The following DNAAF4 variants were observed in gnomAD, a reference collection of about 807,000 sequenced individuals.
DNAAF4 encodes the protein dynein axonemal assembly factor 4.
DNAAF4 carries 43 observed loss-of-function variants against 51.8 expected under a neutral mutation model. The ratio of observed to expected loss-of-function variants is 0.83; its 90% CI spans 0.65 to 1.07. The LOEUF is 1.07. DNAAF4 is among the 50% of genes least tolerant of loss of function. DNAAF4 has a pLI of 0.00. For missense variants in DNAAF4, 581 were observed against 493.0 expected (o/e 1.18, Z -1.69); for synonymous variants, 194 against 165.6 (o/e 1.17, Z -1.32).
intron 5 of DNAAF4, among the ~76,000 whole-genome samples, chr15:55,461,202 G>T (rs2058090012): frequency 6.6e-6 from 1 of 152,038 alleles, no homozygotes; most frequent in Non-Finnish European, 1.5e-5. Flanking sequence ...CCGAGTAGCT[G>T]GGACTACAGG....
chr15:55,502,410 T>C (rs1435058225), intron 1 of DNAAF4, among the ~76,000 whole-genome samples: 1 of 152,180 alleles, frequency 6.6e-6, no homozygotes, highest in Non-Finnish European at 1.5e-5. Flanking sequence ...CTTTGTGTTA[T>C]TAGGTTTTCC....
At chr15:55,441,814 G>A (rs2057719339) in intron 6 of DNAAF4, among the ~76,000 whole-genome samples, 1 of 151,928 alleles carries the variant, frequency 6.6e-6, no homozygotes. Flanking sequence ...TTTTTTAAAT[G>A]GCACAGTGGT....
intron 7 of DNAAF4, among the ~76,000 whole-genome samples, chr15:55,418,964 G>A (rs1555412323): frequency 1.6e-5 from 2 of 126,094 alleles, no homozygotes; most frequent in Non-Finnish European, 1.6e-5. Context: ...TCGCTCTGTC[G>A]CCCAGGTTAG....
chr15:55,498,455 G>T lies in DNAAF4; in HGVS notation c.-126C>A, dbSNP rs923865872. ...GCCGGCCGGGAGCCCGGCGTTCCCAGCGTGCTCCGGCGCCAGCACCTCGCG... is the reference window on the plus strand; with the variant it reads ...GCCGGCCGGGAGCCCGGCGTTCCCATCGTGCTCCGGCGCCAGCACCTCGCG... On this transcript the variant is annotated 5_prime_UTR_variant, in exon 2 of 10. It adds an upstream start codon to the 5' untranslated region. Transcript: ENST00000321149. 2.0e-5 allele frequency: 28 copies of T among 1,407,568 alleles called. No homozygotes were observed. In the Admixed American group the frequency reaches 7.5e-4, roughly 37 times the overall value. The allele number at this position is 1,407,568 out of a possible 1,614,324, so 87.2% of individuals were successfully genotyped here. A position where few individuals can be genotyped will look rare whatever the true frequency, so the allele number is the denominator to read the frequency against.
At chr15:55,469,161 T>C (rs2058212271) in intron 4 of DNAAF4, among the ~76,000 whole-genome samples, 1 of 151,852 alleles carries the variant, frequency 6.6e-6, no homozygotes, top group Non-Finnish European at 1.5e-5. Flanking sequence ...TGAAACCCTG[T>C]CTCTACTAAA....
chr15:55,475,665 G>A (rs1415280965), intron 4 of DNAAF4, among the ~76,000 whole-genome samples: 1 of 152,154 alleles, frequency 6.6e-6, no homozygotes, highest in East Asian at 1.9e-4. Context: ...AAAAGTTACA[G>A]ATTTTGGAGC....
intron 3 of DNAAF4, among the ~76,000 whole-genome samples, chr15:55,494,701 T>C (rs928037686): frequency 6.6e-6 from 1 of 152,154 alleles, no homozygotes; most frequent in African/African-American, 2.4e-5. Context: ...CATGAGCCAC[T>C]GCGCTGAGCT....
intron 3 of DNAAF4, among the ~76,000 whole-genome samples, chr15:55,496,242 AAAC>A (rs1219137644): frequency 6.6e-6 from 1 of 152,130 alleles, no homozygotes; most frequent in African/African-American, 2.4e-5. Flanking sequence ...CCAAACAAAC[AAAC>A]AACAACTGGG....
At chr15:55,473,253 A>G (rs1170246665) in intron 4 of DNAAF4, among the ~76,000 whole-genome samples, 2 of 139,152 alleles carry the variant, frequency 1.4e-5, no homozygotes, top group Admixed American at 7.5e-5. Flanking sequence ...ATGTGTGTGT[A>G]TATATATGTG....
chr15:55,437,990 A>C (rs2057643429), intron 7 of DNAAF4, among the ~76,000 whole-genome samples: 1 of 152,248 alleles, frequency 6.6e-6, no homozygotes. Flanking sequence ...GATGAAATAC[A>C]ATAAATAATA....
intron 4 of DNAAF4, among the ~76,000 whole-genome samples, chr15:55,483,375 G>A (rs187534056): frequency 1.4e-3 from 215 of 150,886 alleles, no homozygotes; most frequent in Admixed American, 3.5e-3. Flanking sequence ...GATTACAGGT[G>A]TGAGCCACCA....
chr15:55,498,176 G>C, intron 2 of DNAAF4, 31 bp downstream of exon 2: 1 of 1,613,976 alleles, frequency 6.2e-7, no homozygotes, highest in Non-Finnish European at 8.5e-7. Context: ...CCACACCCCC[G>C]GAGACCGGCA....
intron 1 of DNAAF4, among the ~76,000 whole-genome samples, chr15:55,502,093 C>T (rs2058702708): frequency 6.6e-6 from 1 of 151,640 alleles, no homozygotes; most frequent in African/African-American, 2.4e-5. Flanking sequence ...ATAATAAAGA[C>T]TATTAAGATC....
intron 4 of DNAAF4, among the ~76,000 whole-genome samples, chr15:55,475,464 T>C (rs1288960855): frequency 1.3e-5 from 2 of 152,310 alleles, no homozygotes; most frequent in African/African-American, 2.4e-5. Flanking sequence ...GCTAGGATGA[T>C]GAGCCTGGCA....
chr15:55,464,232 G>C (rs28858773), intron 5 of DNAAF4, among the ~76,000 whole-genome samples: 7,988 of 152,256 alleles, frequency 0.052, 313 homozygotes, highest in South Asian at 0.098. Context: ...AAATGGTGCT[G>C]GGATAATTGG....
At chr15:55,441,562 C>G (rs59918927) in intron 6 of DNAAF4, among the ~76,000 whole-genome samples, 153 of 151,632 alleles carry the variant, frequency 1.0e-3, no homozygotes, top group African/African-American at 3.4e-3. Flanking sequence ...ATCCCTCCCC[C>G]CTCCCACCAC....
chr15:55,504,001 G>A (rs1042266859), intron 1 of DNAAF4, among the ~76,000 whole-genome samples: 1 of 152,146 alleles, frequency 6.6e-6, no homozygotes, highest in Non-Finnish European at 1.5e-5. Flanking sequence ...GTTTGCAGAC[G>A]ACATGATTGT....
At chr15:55,465,403 C>CACACAT (rs2058155616) in intron 5 of DNAAF4, among the ~76,000 whole-genome samples, 1 of 151,644 alleles carries the variant, frequency 6.6e-6, no homozygotes, top group South Asian at 2.1e-4. Flanking sequence ...TACACACACA[C>CACACAT]ACACACACAC....
intron 1 of DNAAF4, among the ~76,000 whole-genome samples, chr15:55,503,826 T>C (rs990607557): frequency 1.3e-5 from 2 of 152,136 alleles, no homozygotes; most frequent in Non-Finnish European, 2.9e-5. Context: ...TCAAACTGAA[T>C]GGGCAAAAAC....
Sources: allele counts gnomAD v4.1 joint callset (sites outside exome capture counted in the v4.1 genomes callset), GRCh38; gene constraint gnomAD v4.1.1; transcripts MANE v1.5; gene names NCBI Gene and HGNC (gene_info 2026-07-23, HGNC 2026-07-21).